The following SLIT3 variants were observed in gnomAD, a reference collection of about 807,000 sequenced individuals.
SLIT3 encodes the protein slit homolog 3 protein.
Under a neutral mutation model 184.0 loss-of-function variants are expected in SLIT3, and 68 were observed. The observed-to-expected ratio is 0.37, with a 90% CI of 0.30 to 0.45. The LOEUF (loss-of-function observed/expected upper bound fraction) is 0.45. Among genes scored for constraint, SLIT3 ranks in the 20% least tolerant of loss-of-function variants. SLIT3 has a pLI of 1.00. For missense variants in SLIT3, 1,707 were observed against 2,026.0 expected, an observed-to-expected ratio of 0.84 and a Z score of 3.02; for synonymous variants, 831 against 828.6, an observed-to-expected ratio of 1.00 and a Z score of -0.05.
intron 4 of SLIT3, among the ~76,000 whole-genome samples, chr5:168,909,214 A>G (rs1161291687): frequency 6.6e-6 from 1 of 152,256 alleles, no homozygotes; most frequent in East Asian, 1.9e-4. Context: ...TTTTGGGCAT[A>G]GTCCTACTTT....
chr5:169,245,257 C>A (rs772882041), intron 2 of SLIT3, among the ~76,000 whole-genome samples: 17 of 152,092 alleles, frequency 1.1e-4, no homozygotes, highest in Middle Eastern at 3.2e-3. Flanking sequence ...CCCAGGAACT[C>A]CTCTCACTGA....
intron 5 of SLIT3, among the ~76,000 whole-genome samples, chr5:168,861,907 A>G (rs1253306925): frequency 1.3e-5 from 2 of 152,192 alleles, no homozygotes; most frequent in Admixed American, 1.3e-4. Flanking sequence ...ACCTTGGTGT[A>G]TTGGTGTGCA....
At chr5:168,887,433 G>A (rs554317734) in intron 4 of SLIT3, among the ~76,000 whole-genome samples, 2 of 152,278 alleles carry the variant, frequency 1.3e-5, no homozygotes, top group South Asian at 4.2e-4. Flanking sequence ...GGCTAATTAT[G>A]AGCTGTATGA....
intron 9 of SLIT3, among the ~76,000 whole-genome samples, chr5:168,800,104 T>A (rs1241471346): frequency 6.6e-6 from 1 of 152,206 alleles, no homozygotes. Flanking sequence ...TTCCTTTAAG[T>A]CATCCTGGGC....
rs116278909 is a variant in SLIT3 at position 168,835,930 on chromosome 5, T to G, written c.557+8654A>C. On this transcript the variant is annotated intron_variant, in intron 6 of 35. Coordinates refer to ENST00000519560, the MANE Select transcript of SLIT3 (RefSeq NM_003062.4). ...AATGCCCCTGCCTTGGCATTGGGAT[T>G]ACAGGCATGATCTACTTCACCTGGT... Among the ~76,000 whole-genome samples, 872 of 152,332 alleles carry G rather than the reference T, an allele frequency of 5.7e-3. 7 individuals are homozygous for G. Among genetic ancestry groups the G allele is most frequent in the African/African-American group, 0.02 (831 of 41,578 alleles).
intron 4 of SLIT3, among the ~76,000 whole-genome samples, chr5:168,939,613 G>A (rs1762270380): frequency 2.0e-5 from 3 of 152,202 alleles, no homozygotes; most frequent in African/African-American, 7.2e-5. Flanking sequence ...GCACCTCGAT[G>A]GGTCACAAGT....
chr5:168,869,385 G>A (rs1485957247), intron 5 of SLIT3, among the ~76,000 whole-genome samples: 1 of 152,178 alleles, frequency 6.6e-6, no homozygotes, highest in African/African-American at 2.4e-5. Context: ...TTTATCATCT[G>A]TAAACTGGTG....
At chr5:168,791,150 A>G (rs146935012) in intron 10 of SLIT3, 1 of 152,390 alleles carries the variant, frequency 6.6e-6, no homozygotes, top group African/African-American at 2.4e-5. Context: ...TATGCAAAGC[A>G]TTCCAGACAA....
intron 1 of SLIT3, among the ~76,000 whole-genome samples, chr5:169,275,779 T>C (rs62376941): frequency 0.064 from 9,784 of 152,022 alleles, 469 homozygotes; most frequent in East Asian, 0.26. Flanking sequence ...CCACAACAGG[T>C]GGGAATTCTG....
chr5:168,827,836 G>A (rs1268293941), intron 6 of SLIT3, among the ~76,000 whole-genome samples: 1 of 152,184 alleles, frequency 6.6e-6, no homozygotes, highest in Non-Finnish European at 1.5e-5. Flanking sequence ...CCCATCCAAT[G>A]CAGCCTGTTT....
intron 4 of SLIT3, among the ~76,000 whole-genome samples, chr5:169,161,280 A>T (rs1165110885): frequency 6.6e-6 from 1 of 152,136 alleles, no homozygotes; most frequent in African/African-American, 2.4e-5. Flanking sequence ...ATTTCCCATG[A>T]CATAGCTGGA....
chr5:169,294,581 A>G (rs978123642), intron 1 of SLIT3, among the ~76,000 whole-genome samples: 2 of 152,222 alleles, frequency 1.3e-5, no homozygotes, highest in Admixed American at 6.5e-5. Context: ...CAAACCTTCC[A>G]GCTGGATAGG....
intron 5 of SLIT3, among the ~76,000 whole-genome samples, chr5:168,855,195 G>A (rs564499848): frequency 6.6e-6 from 1 of 152,050 alleles, no homozygotes; most frequent in South Asian, 2.1e-4. Context: ...TAGAAAGGCT[G>A]TAATTAAAAT....
At chr5:168,854,045 G>C (rs970921822) in intron 5 of SLIT3, among the ~76,000 whole-genome samples, 3 of 152,074 alleles carry the variant, frequency 2.0e-5, no homozygotes, top group Non-Finnish European at 2.9e-5. Context: ...GGAGAAAACC[G>C]AGGTTCAGAG....
chr5:168,685,564 A>G (rs1450597367), intron 31 of SLIT3, 123 bp downstream of exon 31: 61 of 1,302,322 alleles, frequency 4.7e-5, no homozygotes, highest in Non-Finnish European at 6.1e-5. Flanking sequence ...AGATGTCCTC[A>G]AGCTGAGTGT....
chr5:169,088,565 T>C (rs1759415620), intron 4 of SLIT3, among the ~76,000 whole-genome samples: 1 of 152,056 alleles, frequency 6.6e-6, no homozygotes, highest in South Asian at 2.1e-4. Context: ...GCAAGACTGG[T>C]CAGAGGAATG....
chr5:168,802,599 T>C lies in SLIT3; in HGVS notation c.935+3847A>G, dbSNP rs569907034. Among the ~76,000 whole-genome samples, 3 of 152,226 alleles carry C rather than the reference T, an allele frequency of 2.0e-5. No homozygotes were observed. In the South Asian group the frequency reaches 6.2e-4, roughly 32 times the overall value. ...AGCTACTCCCAGGTTCAAGTCATAA[T>C]GCAAGTGGCTAGCCTAGTTCCAGAA... On this transcript the variant is annotated intron_variant, in intron 9 of 35. Transcript: ENST00000519560.
chr5:168,883,348 G>A lies in SLIT3; in HGVS notation c.414-12C>T. ...TTTCACTCAAATCTCTAAACAAGAA[G>A]AGAAGAGGCACACTGCATTAAAGAC... is the stretch of plus-strand genomic sequence containing the variant. On this transcript the variant is annotated splice_polypyrimidine_tract_variant and intron_variant, in intron 4 of 35. Coordinates refer to ENST00000519560, the MANE Select transcript of SLIT3 (RefSeq NM_003062.4). The A allele has an allele frequency of 6.2e-7, 1 of 1,607,800 alleles. No individual in the cohort carries two copies. The highest frequency in any genetic ancestry group is 8.5e-7 in the Non-Finnish European group (1 of 1,174,384).
intron 4 of SLIT3, among the ~76,000 whole-genome samples, chr5:169,163,304 G>T (rs893258818): frequency 6.6e-6 from 1 of 152,040 alleles, no homozygotes; most frequent in Non-Finnish European, 1.5e-5. Context: ...CCAGGCCACC[G>T]TGCGAGGAAA....
Sources: gnomAD v4.1 joint callset for allele counts (sites outside exome capture counted in the v4.1 genomes callset) on GRCh38, gnomAD v4.1.1 for gene constraint, MANE v1.5 for transcripts, NCBI Gene and HGNC (gene_info 2026-07-23, HGNC 2026-07-21) for gene names.